SLC14A2: variants seen among roughly 807,000 people sequenced by gnomAD.
SLC14A2 encodes urea transporter 2.
In SLC14A2, 91 loss-of-function variants were observed where a neutral mutation model predicts 104.6. The ratio of observed to expected loss-of-function variants is 0.87; its 90% CI spans 0.73 to 1.04. The LOEUF (loss-of-function observed/expected upper bound fraction) is 1.04. Among genes scored for constraint, SLC14A2 ranks in the 50% least tolerant of loss-of-function variants. The pLI, the probability that SLC14A2 is intolerant of heterozygous loss-of-function variation, is 0.00. For synonymous variants in SLC14A2, 476 were observed against 466.4 expected, an observed-to-expected ratio of 1.02 and a Z score of -0.27; for missense variants, 1,189 against 1,156.0, an observed-to-expected ratio of 1.03 and a Z score of -0.41.
intron 1 of SLC14A2, among the ~76,000 whole-genome samples, chr18:45,250,755 CTTTTT>C (rs67864793): frequency 2.2e-4 from 21 of 93,888 alleles, no homozygotes; most frequent in African/African-American, 9.2e-4. Context: ...TGGCTTCTTC[CTTTTT>C]TTTTTTTTTT....
chr18:45,408,825 C>A (rs1438415901), intron 1 of SLC14A2, among the ~76,000 whole-genome samples: 1 of 152,140 alleles, frequency 6.6e-6, no homozygotes, highest in African/African-American at 2.4e-5. Context: ...AATATGGATA[C>A]ATGAGTTCAA....
chr18:45,177,462 C>T, the SLC14A2 span, among the ~76,000 whole-genome samples: 187 of 152,268 alleles, frequency 1.2e-3, no homozygotes, highest in African/African-American at 4.1e-3. Flanking sequence ...CAAAGCCTTG[C>T]ATTTTATCCT....
intron 2 of SLC14A2, among the ~76,000 whole-genome samples, chr18:45,533,592 C>T (rs2043734957): frequency 6.6e-6 from 1 of 152,020 alleles, no homozygotes; most frequent in Non-Finnish European, 1.5e-5. Flanking sequence ...TCTCTCTTTT[C>T]TTCTTTATTA....
At chr18:45,469,480 A>G (rs905763184) in intron 1 of SLC14A2, among the ~76,000 whole-genome samples, 4 of 152,206 alleles carry the variant, frequency 2.6e-5, no homozygotes, top group African/African-American at 7.2e-5. Flanking sequence ...GTTATAGAAG[A>G]AATGAAAAAC....
chr18:45,640,305 G>A (rs1473567612), intron 7 of SLC14A2, among the ~76,000 whole-genome samples: 2 of 151,932 alleles, frequency 1.3e-5, no homozygotes, highest in Admixed American at 1.3e-4. Flanking sequence ...GTGGAGAGAT[G>A]CAAGGGGGTA....
At chr18:45,634,824 T>C (rs961135697) in intron 5 of SLC14A2, 4 of 457,174 alleles carry the variant, frequency 8.7e-6, no homozygotes, top group Non-Finnish European at 1.8e-5. Context: ...GTTTGCAGGA[T>C]GGAGACGGAT....
rs776028306 is a variant in SLC14A2, at chr18:45,639,865, C to G, written c.963C>G (p.Ala321=). 1.9e-6 allele frequency: 3 copies of G among 1,613,724 alleles called. No homozygotes were observed. The highest frequency in any genetic ancestry group is 2.5e-6 in the Non-Finnish European group (3 of 1,179,978). ...CGCCACTCATCTGCTTGCATGCAGCCATTGGCTCAATCGTGGGGCTGCTAG... is the reference window on the plus strand; with the variant it reads ...CGCCACTCATCTGCTTGCATGCAGCGATTGGCTCAATCGTGGGGCTGCTAG... ...ISSPLICLHA[A]IGSIVGLLAA... The change falls in exon 7 of 20, where the codon GCC becomes GCG. Residue 321 remains alanine (A), a synonymous_variant. Transcript: ENST00000255226.
At chr18:45,336,621 TC>T (rs2085340586) in intron 1 of SLC14A2, among the ~76,000 whole-genome samples, 1 of 152,110 alleles carries the variant, frequency 6.6e-6, no homozygotes, top group South Asian at 2.1e-4. Context: ...AAGAGTACAT[TC>T]ATAGATCCCT....
intron 2 of SLC14A2, among the ~76,000 whole-genome samples, chr18:45,565,314 T>C (rs962075605): frequency 2.6e-4 from 39 of 151,976 alleles, no homozygotes; most frequent in African/African-American, 9.4e-4. Context: ...TTAGTAGAGA[T>C]GGGGTTTCAC....
chr18:45,622,929 T>C lies in SLC14A2; in HGVS notation c.-34-1702T>C, dbSNP rs147308125. The stretch of plus-strand genomic sequence containing the variant: ...ACAGTGAAAGCAATCTACTCGGTTA[T>C]TACCCTTGTTCTCTAGCCATGTTCA... On this transcript the variant is annotated intron_variant, in intron 1 of 19. Coordinates refer to ENST00000255226, the MANE Select transcript of SLC14A2 (RefSeq NM_007163.4). Among the ~76,000 whole-genome samples the C allele has an allele frequency of 2.6e-5, 4 of 152,308 alleles. No homozygotes were observed. The East Asian group carries it at 7.7e-4, about 29-fold the overall frequency.
chr18:45,433,561 T>C (rs144887581), intron 1 of SLC14A2, among the ~76,000 whole-genome samples: 52 of 152,342 alleles, frequency 3.4e-4, no homozygotes, highest in Non-Finnish European at 6.5e-4. Context: ...TTCTCCGCCT[T>C]GTACCTGCTA....
At chr18:45,453,865 T>C (rs1251402005) in intron 1 of SLC14A2, among the ~76,000 whole-genome samples, 1 of 139,032 alleles carries the variant, frequency 7.2e-6, no homozygotes, top group African/African-American at 2.7e-5. Flanking sequence ...TTTTTTTTTT[T>C]TTTTTTTTTT....
At chr18:45,577,887 G>A (rs2044437002) in intron 2 of SLC14A2, among the ~76,000 whole-genome samples, 2 of 152,160 alleles carry the variant, frequency 1.3e-5, no homozygotes, top group African/African-American at 4.8e-5. Flanking sequence ...GAAGGACATG[G>A]CATTCAGAAA....
chr18:45,626,816 C>CCCT, intron 3 of SLC14A2, 142 bp from the exon 4 acceptor site: 1 of 436,910 alleles, frequency 2.3e-6, no homozygotes. Context: ...ACCCCCACCC[C>CCCT]TCCACCCCGA....
At chr18:45,643,204 A>C (rs541897529) in intron 9 of SLC14A2, 23 bp downstream of exon 9, 11 of 1,608,844 alleles carry the variant, frequency 6.8e-6, no homozygotes. Context: ...TCTCCTGAAC[A>C]CTACCCCAAA....
chr18:45,260,686 A>T (rs1285866196), intron 1 of SLC14A2, among the ~76,000 whole-genome samples: 1 of 152,194 alleles, frequency 6.6e-6, no homozygotes, highest in East Asian at 1.9e-4. Flanking sequence ...GGAGGGCATT[A>T]TCCTTGAATT....
At chr18:45,371,062 ACAAAG>A (rs1223362328) in intron 1 of SLC14A2, among the ~76,000 whole-genome samples, 1 of 152,176 alleles carries the variant, frequency 6.6e-6, no homozygotes, top group Non-Finnish European at 1.5e-5. Flanking sequence ...CCAAGGCAAA[ACAAAG>A]CAACACCCCC....
intron 2 of SLC14A2, among the ~76,000 whole-genome samples, chr18:45,559,769 A>T (rs1187444875): frequency 6.6e-6 from 1 of 152,214 alleles, no homozygotes; most frequent in African/African-American, 2.4e-5. Flanking sequence ...TAGATTACTA[A>T]CATCCAAGAG....
chr18:45,398,381 T>C (rs1361387301), intron 1 of SLC14A2, among the ~76,000 whole-genome samples: 1 of 151,892 alleles, frequency 6.6e-6, no homozygotes, highest in Non-Finnish European at 1.5e-5. Flanking sequence ...GTCTCAGGAG[T>C]CAGACAAGGT....
Sources: allele counts gnomAD v4.1 joint callset (sites outside exome capture counted in the v4.1 genomes callset), GRCh38; gene constraint gnomAD v4.1.1; transcripts MANE v1.5; gene names NCBI Gene and HGNC (gene_info 2026-07-23, HGNC 2026-07-21).